The following RBFOX1 variants were observed in gnomAD, a reference collection of about 807,000 sequenced individuals.
RBFOX1 encodes RNA binding protein fox-1 homolog 1.
RBFOX1 carries 8 observed loss-of-function variants against 57.7 expected under a neutral mutation model. The observed-to-expected ratio is 0.14, with a 90% CI of 0.08 to 0.25. The LOEUF (loss-of-function observed/expected upper bound fraction) is 0.25. Ranked by LOEUF, RBFOX1 falls within the 10% of genes least tolerant of loss-of-function variation. The probability of loss-of-function intolerance (pLI) is 1.00; values close to 1 mark genes in which losing one functional copy is unlikely to be tolerated. For synonymous variants in RBFOX1, 326 were observed against 222.4 expected (o/e 1.47, Z -4.15); for missense variants, 611 against 548.5 (o/e 1.11, Z -1.14).
At chr16:7,543,748 A>G (rs1022076203) in intron 5 of RBFOX1, among the ~76,000 whole-genome samples, 7 of 146,716 alleles carry the variant, frequency 4.8e-5, no homozygotes, top group African/African-American at 1.5e-4. Context: ...ATTTTTTTCA[A>G]ATGGACTCTG....
rs1329086957 is a variant in RBFOX1, at chr16:6,895,250, A to G, written c.-15-156807A>G. 4.6e-5 allele frequency among the ~76,000 whole-genome samples: 7 copies of G among 151,732 alleles called. No individual in the cohort carries two copies. In the South Asian group the frequency reaches 6.2e-4, roughly 14 times the overall value. On this transcript the variant is annotated intron_variant, in intron 3 of 15. Transcript: ENST00000550418. Reference sequence around the variant, plus strand: ...GAGACCAAATGTATATCCCAAATGTATATCCCCAGTGGTTCCTGATTCCCA... The same window carrying G: ...GAGACCAAATGTATATCCCAAATGTGTATCCCCAGTGGTTCCTGATTCCCA...
chr16:7,670,029 C>T (rs1597704635), intron 13 of RBFOX1, among the ~76,000 whole-genome samples: 2 of 152,138 alleles, frequency 1.3e-5, no homozygotes, highest in South Asian at 2.1e-4. Flanking sequence ...TTCTGTTGTT[C>T]CAGAAGAGAA....
At chr16:6,390,529 A>G (rs1462509946) in intron 2 of RBFOX1, among the ~76,000 whole-genome samples, 1 of 151,688 alleles carries the variant, frequency 6.6e-6, no homozygotes, top group African/African-American at 2.4e-5. Flanking sequence ...GCCCTTTTGC[A>G]ACTTATAATT....
chr16:7,694,895 C>T (rs1057493268), intron 14 of RBFOX1, among the ~76,000 whole-genome samples: 15 of 152,288 alleles, frequency 9.8e-5, no homozygotes, highest in African/African-American at 3.6e-4. Flanking sequence ...CTTCTGCCTT[C>T]TGTTAACCCC....
intron 5 of RBFOX1, among the ~76,000 whole-genome samples, chr16:7,523,195 G>A (rs948728402): frequency 3.9e-5 from 6 of 152,260 alleles, no homozygotes; most frequent in Admixed American, 2.0e-4. Context: ...GCTGAGTACT[G>A]TTTCTGCATG....
At chr16:6,972,313 G>A (rs760122431) in intron 3 of RBFOX1, among the ~76,000 whole-genome samples, 9 of 151,860 alleles carry the variant, frequency 5.9e-5, no homozygotes, top group African/African-American at 1.9e-4. Context: ...ATTGGGCTAC[G>A]TTTGCTACCT....
chr16:6,253,422 C>G (rs1169550115), intron 1 of RBFOX1, among the ~76,000 whole-genome samples: 1 of 152,104 alleles, frequency 6.6e-6, no homozygotes, highest in African/African-American at 2.4e-5. Context: ...AGGTAGGCAC[C>G]ATTATCCTGA....
intron 3 of RBFOX1, among the ~76,000 whole-genome samples, chr16:6,834,347 G>C (rs912745856): frequency 9.2e-5 from 14 of 151,998 alleles, no homozygotes. Flanking sequence ...AATTTGCTGG[G>C]ATTGCAGGCA....
At chr16:7,172,103 A>G (rs1046056440) in intron 4 of RBFOX1, among the ~76,000 whole-genome samples, 1 of 152,240 alleles carries the variant, frequency 6.6e-6, no homozygotes, top group African/African-American at 2.4e-5. Context: ...TCTCATCTGT[A>G]AAATGAAACA....
intron 2 of RBFOX1, among the ~76,000 whole-genome samples, chr16:6,406,805 G>A (rs966027399): frequency 1.3e-5 from 2 of 152,120 alleles, no homozygotes; most frequent in African/African-American, 4.8e-5. Context: ...TCCATTCAGA[G>A]CTGGAAAACT....
At chr16:5,549,120 A>T (rs1452399458) in intron 2 of RBFOX1, among the ~76,000 whole-genome samples, 1 of 152,316 alleles carries the variant, frequency 6.6e-6, no homozygotes, top group East Asian at 1.9e-4. Context: ...CCCTATGAGC[A>T]GCTCACTGTA....
intron 4 of RBFOX1, among the ~76,000 whole-genome samples, chr16:7,259,111 G>T (rs1292278916): frequency 6.6e-6 from 1 of 152,140 alleles, no homozygotes; most frequent in African/African-American, 2.4e-5. Flanking sequence ...AATTTAACCT[G>T]GTTGACCATC....
chr16:7,550,028 C>T (rs2085847701), intron 5 of RBFOX1, among the ~76,000 whole-genome samples: 1 of 152,142 alleles, frequency 6.6e-6, no homozygotes, highest in Non-Finnish European at 1.5e-5. Context: ...CTCCTGGGCT[C>T]AAGCGATTGT....
At chr16:6,995,496 G>A (rs2092117926) in intron 3 of RBFOX1, among the ~76,000 whole-genome samples, 1 of 152,052 alleles carries the variant, frequency 6.6e-6, no homozygotes, top group East Asian at 1.9e-4. Flanking sequence ...GGGGTGTGGT[G>A]GCTCACGCAT....
At chr16:7,665,035 T>TG in intron 13 of RBFOX1, 67 bp downstream of exon 13, 1 of 1,613,692 alleles carries the variant, frequency 6.2e-7, no homozygotes, top group South Asian at 1.1e-5. Context: ...ACAAGTTTGC[T>TG]GTGAATTTCT....
chr16:7,620,254 A>G (rs2059107600), intron 10 of RBFOX1, among the ~76,000 whole-genome samples: 3 of 152,222 alleles, frequency 2.0e-5, no homozygotes. Context: ...TAATCCTCAC[A>G]GCAATATTCG....
chr16:5,794,893 C>A (rs1346287733), intron 3 of RBFOX1, among the ~76,000 whole-genome samples: 2 of 152,146 alleles, frequency 1.3e-5, no homozygotes, highest in Non-Finnish European at 2.9e-5. Flanking sequence ...ATGGAAGCTA[C>A]CCCATCACAT....
At chr16:7,135,486 C>A (rs1447402378) in intron 4 of RBFOX1, among the ~76,000 whole-genome samples, 2 of 152,168 alleles carry the variant, frequency 1.3e-5, no homozygotes, top group African/African-American at 2.4e-5. Context: ...TCCGTGAATA[C>A]TAAGGGGTGT....
At chr16:5,250,325 A>G (rs1281477371) in intron 1 of RBFOX1, among the ~76,000 whole-genome samples, 1 of 152,078 alleles carries the variant, frequency 6.6e-6, no homozygotes, top group Non-Finnish European at 1.5e-5. Context: ...TTACATAGGT[A>G]TACATGTGCC....
Sources: allele counts gnomAD v4.1 joint callset (sites outside exome capture counted in the v4.1 genomes callset), GRCh38; gene constraint gnomAD v4.1.1; transcripts MANE v1.5; gene names NCBI Gene and HGNC (gene_info 2026-07-23, HGNC 2026-07-21).